Variants in GDPD4 observed in about 807,000 individuals in gnomAD.
GDPD4 encodes glycerophosphodiester phosphodiesterase 6.
In GDPD4, 60 loss-of-function variants were observed where a neutral mutation model predicts 67.8. The ratio of observed to expected loss-of-function variants is 0.88; its 90% CI spans 0.72 to 1.10. The LOEUF is 1.10. GDPD4 is among the 50% of genes least tolerant of loss of function. The pLI, the probability that GDPD4 is intolerant of heterozygous loss-of-function variation, is 0.00. For missense variants in GDPD4, 623 were observed against 613.9 expected (o/e 1.01, Z -0.16); for synonymous variants, 212 against 210.9 (o/e 1.00, Z -0.04).
chr11:77,292,424 T>C (rs1327288781), intron 1 of GDPD4, among the ~76,000 whole-genome samples: 2 of 151,884 alleles, frequency 1.3e-5, no homozygotes, highest in Non-Finnish European at 2.9e-5. Flanking sequence ...GAAAACACAA[T>C]ATAGAAACAT....
In GDPD4 at chr11:77,275,954, G is replaced by A. The variant is rs1233982203; in HGVS notation, c.207+207C>T. Among the ~76,000 whole-genome samples the A allele has an allele frequency of 5.3e-5, 8 of 152,128 alleles. No individual in the cohort carries two copies. The East Asian group carries it at 7.7e-4, about 15-fold the overall frequency. ...ACAAATAAGAGTTTGGGTTCAGCTC[G>A]GGTTCAGCTCCCTCCATAAATCAGT... is the stretch of plus-strand genomic sequence containing the variant. On this transcript the variant is annotated intron_variant, in intron 5 of 16. Coordinates refer to ENST00000315938, the MANE Select transcript of GDPD4 (RefSeq NM_182833.3).
chr11:77,270,000 G>A (rs773327263), intron 7 of GDPD4, 40 bp from the exon 8 acceptor site: 1 of 1,056,458 alleles, frequency 9.5e-7, no homozygotes, highest in South Asian at 1.4e-5. Flanking sequence ...GTTCATTATT[G>A]TCCCCTTTAA....
chr11:77,289,818 AAGGG>A (rs144198548), intron 1 of GDPD4, among the ~76,000 whole-genome samples: 7 of 100,648 alleles, frequency 7.0e-5, no homozygotes, highest in South Asian at 8.1e-4. Flanking sequence ...GGAGGGAAGG[AAGGG>A]AGGGAGGGAG....
At chr11:77,285,325 CT>C in intron 2 of GDPD4, 138 bp from the exon 3 acceptor site, 1 of 582,476 alleles carries the variant, frequency 1.7e-6, no homozygotes. Flanking sequence ...TCACTCTCTT[CT>C]TTTTACCCCT....
At chr11:77,285,307 TG>T in intron 2 of GDPD4, 120 bp from the exon 3 acceptor site, 1 of 598,174 alleles carries the variant, frequency 1.7e-6, no homozygotes, top group Non-Finnish European at 3.0e-6. Flanking sequence ...CTCCTGAGGC[TG>T]GAGTGATCAC....
At chr11:77,254,019 CAGTAGT>C (rs1264027367) in intron 11 of GDPD4, among the ~76,000 whole-genome samples, 2 of 151,938 alleles carry the variant, frequency 1.3e-5, no homozygotes, top group Admixed American at 1.3e-4. Flanking sequence ...GGTGGTTCCC[CAGTAGT>C]TTAGCATAAG....
At chr11:77,289,837 A>C (rs1415673558) in intron 1 of GDPD4, among the ~76,000 whole-genome samples, 2 of 107,944 alleles carry the variant, frequency 1.9e-5, no homozygotes, top group Admixed American at 1.0e-4. Flanking sequence ...AGGGAGGGGA[A>C]GGAAAGGAGG....
intron 13 of GDPD4, among the ~76,000 whole-genome samples, chr11:77,241,638 TAAAAAAAAAAAA>T (rs36036994): frequency 3.3e-5 from 2 of 60,824 alleles, no homozygotes; most frequent in Non-Finnish European, 5.6e-5. Context: ...ACCCTGTCTT[TAAAAAAAAAAAA>T]AAAAAAAAAA....
Position 77,249,264 on chromosome 11 carries a change from C to CAAA in GDPD4, c.865-3765_865-3763dup, listed in dbSNP as rs34998852. The stretch of plus-strand genomic sequence containing the variant: ...CTGGCAACAGACCGAGACTCCATCT[C>CAAA]AAAAAAAAAAAAAAAAAAAATTAGC... On this transcript the variant is annotated intron_variant, in intron 11 of 16. Transcript: ENST00000315938. 9.0e-3 allele frequency among the ~76,000 whole-genome samples: 700 copies of CAAA among 77,716 alleles called. 9 individuals carry two copies. Among genetic ancestry groups the CAAA allele is most frequent in the Middle Eastern group, 0.037 (5 of 136 alleles). The allele number at this position is 77,716 out of a possible 152,430, so 51.0% of individuals were successfully genotyped here. A position where few individuals can be genotyped will look rare whatever the true frequency, so the allele number is the denominator to read the frequency against.
intron 7 of GDPD4, 21 bp from the exon 8 acceptor site, chr11:77,269,981 A>G: frequency 7.8e-7 from 1 of 1,288,908 alleles, no homozygotes; most frequent in African/African-American, 1.5e-5. Context: ...GAAAGTGAAA[A>G]AGAAAAGAGT....
chr11:77,288,736 A>G (rs1333588227), intron 1 of GDPD4, among the ~76,000 whole-genome samples: 1 of 152,216 alleles, frequency 6.6e-6, no homozygotes, highest in Non-Finnish European at 1.5e-5. Context: ...ACATAAGGAC[A>G]CAAAAAACAT....
At chr11:77,239,325 G>A (rs933676627) in intron 13 of GDPD4, among the ~76,000 whole-genome samples, 1 of 152,118 alleles carries the variant, frequency 6.6e-6, no homozygotes, top group African/African-American at 2.4e-5. Flanking sequence ...TTTTGACATA[G>A]TACTGTCTTA....
intron 11 of GDPD4, among the ~76,000 whole-genome samples, chr11:77,249,950 G>A (rs940710065): frequency 7.9e-5 from 12 of 152,002 alleles, no homozygotes; most frequent in African/African-American, 2.2e-4. Flanking sequence ...TCAGAAGCAC[G>A]TTGTTTAATT....
intron 11 of GDPD4, among the ~76,000 whole-genome samples, chr11:77,253,500 T>A (rs561576362): frequency 3.3e-5 from 5 of 152,148 alleles, no homozygotes; most frequent in Non-Finnish European, 7.4e-5. Context: ...GCTTAGACTC[T>A]AGGGAGCTAG....
At position 77,280,429 on chromosome 11, in the gene GDPD4, A is replaced by C. The variant is rs1412403027; in HGVS notation, c.54-1030T>G. Among the ~76,000 whole-genome samples the C allele has an allele frequency of 2.0e-5, 3 of 152,032 alleles. No homozygotes were observed. The East Asian group carries it at 5.8e-4, about 29-fold the overall frequency. The stretch of plus-strand genomic sequence containing the variant: ...TTGAAAAAAAATTTTCGAAATTAAA[A>C]AAAAAAACATGAAATCTGGCCTTAA... On this transcript the variant is annotated intron_variant, in intron 3 of 16. Coordinates refer to ENST00000315938, the MANE Select transcript of GDPD4 (RefSeq NM_182833.3).
intron 10 of GDPD4, among the ~76,000 whole-genome samples, chr11:77,267,083 A>T (rs1031109691): frequency 2.6e-5 from 4 of 152,116 alleles, no homozygotes; most frequent in African/African-American, 9.7e-5. Context: ...ACCATGTTTT[A>T]TCTTTTATAT....
chr11:77,249,060 A>G (rs1437356940), intron 11 of GDPD4, among the ~76,000 whole-genome samples: 1 of 151,578 alleles, frequency 6.6e-6, no homozygotes, highest in Non-Finnish European at 1.5e-5. Context: ...AGGTCAAGAG[A>G]TCGAGACCAT....
rs142983060 is a variant in GDPD4, at chr11:77,294,366, T to C, written c.-253-6946A>G. ...CATTTATTTAAAAATTAAATTTAAA[T>C]GATGATTTACAATAGTAACAAACAC... On this transcript the variant is annotated intron_variant, in intron 1 of 16. Coordinates refer to ENST00000315938, the MANE Select transcript of GDPD4 (RefSeq NM_182833.3). 2.5e-3 allele frequency among the ~76,000 whole-genome samples: 387 copies of C among 152,328 alleles called. 2 individuals carry two copies. Among genetic ancestry groups the C allele is most frequent in the African/African-American group, 8.4e-3 (351 of 41,580 alleles).
At chr11:77,259,066 C>T (rs1959062616) in intron 10 of GDPD4, among the ~76,000 whole-genome samples, 1 of 152,208 alleles carries the variant, frequency 6.6e-6, no homozygotes, top group African/African-American at 2.4e-5. Context: ...CTCACCACAA[C>T]TGTGATCACA....
Sources: allele counts gnomAD v4.1 joint callset (sites outside exome capture counted in the v4.1 genomes callset), GRCh38; gene constraint gnomAD v4.1.1; transcripts MANE v1.5; gene names NCBI Gene and HGNC (gene_info 2026-07-23, HGNC 2026-07-21).